Variants in CRB1 observed in about 807,000 individuals in gnomAD.
CRB1 encodes the protein crumbs cell polarity complex component 1.
CRB1 carries 83 observed loss-of-function variants against 120.0 expected under a neutral mutation model. The observed-to-expected ratio is 0.69, with a 90% CI of 0.58 to 0.83. CRB1 has a LOEUF of 0.83. Ranked by LOEUF, CRB1 falls within the 40% of genes least tolerant of loss-of-function variation. The pLI, the probability that CRB1 is intolerant of heterozygous loss-of-function variation, is 0.00. For missense variants in CRB1, 1,699 were observed against 1,687.6 expected (o/e 1.01, Z -0.12); for synonymous variants, 625 against 612.5 (o/e 1.02, Z -0.30).
chr1:197,420,574 A>G (rs1664252181), intron 5 of CRB1, among the ~76,000 whole-genome samples: 1 of 152,242 alleles, frequency 6.6e-6, no homozygotes, highest in Non-Finnish European at 1.5e-5. Context: ...CACTGTTTCC[A>G]AGTAGAATAG....
chr1:197,265,564 T>C (rs116527044), upstream of CRB1, among the ~76,000 whole-genome samples: 2,248 of 152,306 alleles, frequency 0.015, 52 homozygotes, highest in African/African-American at 0.047. Flanking sequence ...TGCTCAAATA[T>C]AGACATATAT....
At chr1:197,243,163 T>C in the CRB1 span, among the ~76,000 whole-genome samples, 4 of 152,192 alleles carry the variant, frequency 2.6e-5, no homozygotes, top group Non-Finnish European at 5.9e-5. Flanking sequence ...GGGTTTTTCA[T>C]GTCTCTATCA....
intron 5 of CRB1, among the ~76,000 whole-genome samples, chr1:197,379,440 C>T (rs895352721): frequency 1.3e-5 from 2 of 151,868 alleles, no homozygotes; most frequent in South Asian, 2.1e-4. Flanking sequence ...GCTGGGACTA[C>T]AGGCTCCCGC....
intron 7 of CRB1, chr1:197,429,199 AC>A: frequency 2.7e-6 from 4 of 1,503,334 alleles, no homozygotes; most frequent in Non-Finnish European, 3.5e-6. Context: ...TACTTGAAAA[AC>A]CCTCCTTGTG....
chr1:197,368,437 C>A, intron 5 of CRB1, among the ~76,000 whole-genome samples: 1 of 152,256 alleles, frequency 6.6e-6, no homozygotes, highest in Non-Finnish European at 1.5e-5. Context: ...TAACTATTTA[C>A]GCTTGTACTC....
intron 2 of CRB1, among the ~76,000 whole-genome samples, chr1:197,334,951 T>G (rs2786113): frequency 0.68 from 103,307 of 151,988 alleles, 35,409 homozygotes; most frequent in East Asian, 0.91. Context: ...GGGTAATAAC[T>G]GCATGGAGAA....
the CRB1 span, among the ~76,000 whole-genome samples, chr1:197,252,907 A>G: frequency 2.4e-4 from 37 of 151,824 alleles, no homozygotes; most frequent in Non-Finnish European, 5.2e-4. Flanking sequence ...GGATTGGATG[A>G]TGCTCATTCA....
chr1:197,371,807 AG>A lies in CRB1; in HGVS notation c.1171+14795del, dbSNP rs373975366. Among the ~76,000 whole-genome samples, 451 of 152,288 alleles carry A rather than the reference AG, an allele frequency of 3.0e-3. 2 individuals carry two copies. Among genetic ancestry groups the A allele is most frequent in the African/African-American group, 0.01 (433 of 41,558 alleles). On this transcript the variant is annotated intron_variant, in intron 5 of 11. Coordinates refer to ENST00000367400, the MANE Select transcript of CRB1 (RefSeq NM_201253.3). The stretch of plus-strand genomic sequence containing the variant: ...TGGGGAATTCATCGCTTTTACGGTA[AG>A]CAGTAAGAAGCCTGCTCCTTGTCCC...
intron 5 of CRB1, among the ~76,000 whole-genome samples, chr1:197,415,054 A>G (rs1663905067): frequency 6.6e-6 from 1 of 152,172 alleles, no homozygotes; most frequent in African/African-American, 2.4e-5. Context: ...GTTTATATTT[A>G]AAGAAACACA....
intron 11 of CRB1, among the ~76,000 whole-genome samples, chr1:197,473,312 C>T (rs1667059719): frequency 6.6e-6 from 1 of 152,154 alleles, no homozygotes; most frequent in African/African-American, 2.4e-5. Context: ...GGAAAACACA[C>T]ATTAACCTAT....
chr1:197,355,455 C>T (rs1446587996), intron 4 of CRB1, among the ~76,000 whole-genome samples: 1 of 152,220 alleles, frequency 6.6e-6, no homozygotes, highest in African/African-American at 2.4e-5. Flanking sequence ...GGGTGGTGCT[C>T]ATCCTGGAAG....
intron 5 of CRB1, among the ~76,000 whole-genome samples, chr1:197,402,004 A>C (rs1184380707): frequency 1.3e-5 from 2 of 151,624 alleles, no homozygotes; most frequent in Non-Finnish European, 2.9e-5. Flanking sequence ...TTGTATCCAC[A>C]GTTAATTTTT....
intron 6 of CRB1, among the ~76,000 whole-genome samples, chr1:197,426,925 A>G (rs943380127): frequency 2.0e-5 from 3 of 152,218 alleles, no homozygotes; most frequent in Admixed American, 6.6e-5. Flanking sequence ...CCTGGGACAA[A>G]TACATTCCAG....
chr1:197,427,578 A>G lies in CRB1; in HGVS notation c.2253A>G (p.Leu751=). ...MFVRTLQPSG[L]LLALENSTYQ... ...TCCGAACGCTTCAACCATCAGGCTT[A>G]CTTCTAGCTTTGGAAAACAGCACTT... The change falls in exon 7 of 12, where the codon TTA becomes TTG. Residue 751 remains leucine, a synonymous_variant. Coordinates refer to ENST00000367400, the MANE Select transcript of CRB1 (RefSeq NM_201253.3). 3 of 1,613,986 alleles carry G rather than the reference A, an allele frequency of 1.9e-6. No homozygotes were observed. The East Asian group carries it at 6.7e-5, about 36-fold the overall frequency.
intron 11 of CRB1, among the ~76,000 whole-genome samples, chr1:197,477,115 C>T (rs996381926): frequency 3.9e-5 from 6 of 152,170 alleles, no homozygotes; most frequent in Admixed American, 3.3e-4. Flanking sequence ...ATGTTGAATC[C>T]GAATCAGAGT....
At chr1:197,221,692 C>G in the CRB1 span, among the ~76,000 whole-genome samples, 1 of 151,874 alleles carries the variant, frequency 6.6e-6, no homozygotes, top group Non-Finnish European at 1.5e-5. Context: ...ATTAAGAGGA[C>G]TTTAGTTAAA....
intron 5 of CRB1, chr1:197,358,095 T>G (rs1439677038): frequency 6.6e-6 from 1 of 152,216 alleles, no homozygotes; most frequent in Non-Finnish European, 1.5e-5. Flanking sequence ...CCCAATTATG[T>G]AAGCTGCTAG....
At chr1:197,466,203 T>C (rs1008228487) in intron 11 of CRB1, among the ~76,000 whole-genome samples, 12 of 152,212 alleles carry the variant, frequency 7.9e-5, no homozygotes, top group African/African-American at 2.4e-4. Flanking sequence ...TCAACACTTA[T>C]GCAGGTTGAA....
At chr1:197,208,689 C>A in the CRB1 span, among the ~76,000 whole-genome samples, 4 of 152,136 alleles carry the variant, frequency 2.6e-5, no homozygotes, top group African/African-American at 9.7e-5. Flanking sequence ...GTTGGTTGGC[C>A]TCTAGCCAGG....
Sources: gnomAD v4.1 joint callset for allele counts (sites outside exome capture counted in the v4.1 genomes callset) on GRCh38, gnomAD v4.1.1 for gene constraint, MANE v1.5 for transcripts, NCBI Gene and HGNC (gene_info 2026-07-23, HGNC 2026-07-21) for gene names.